HIGD1C: variants seen among roughly 807,000 people sequenced by gnomAD.
HIGD1C encodes HIG1 hypoxia inducible domain family member 1C.
HIGD1C carries 11 observed loss-of-function variants against 13.1 expected under a neutral mutation model. That is an observed-to-expected ratio of 0.84 (90% CI 0.53 to 1.39). The LOEUF is 1.39. Among genes scored for constraint, HIGD1C ranks in the 40% most tolerant of loss-of-function variants. The pLI, the probability that HIGD1C is intolerant of heterozygous loss-of-function variation, is 0.00. For synonymous variants in HIGD1C, 36 were observed against 37.7 expected (o/e 0.95, Z 0.17); for missense variants, 110 against 112.0 (o/e 0.98, Z 0.08).
the HIGD1C span, among the ~76,000 whole-genome samples, chr12:50,940,705 AGAGT>A: frequency 1.3e-5 from 2 of 148,430 alleles, no homozygotes; most frequent in South Asian, 2.3e-4. Flanking sequence ...CCTGGGCGAC[AGAGT>A]GAGACCCCAT....
chr12:50,957,942 GT>G (rs1939168725), intron 1 of HIGD1C, among the ~76,000 whole-genome samples: 1 of 74,236 alleles, frequency 1.3e-5, no homozygotes, highest in East Asian at 5.6e-4. Context: ...TTGGAGGTGT[GT>G]GTGTGTGTGT....
the HIGD1C span, among the ~76,000 whole-genome samples, chr12:50,948,544 T>C: frequency 7.9e-5 from 12 of 151,882 alleles, no homozygotes; most frequent in Admixed American, 2.0e-4. Context: ...ATTCCACTTC[T>C]GGGAATTTAC....
chr12:50,946,621 A>C, the HIGD1C span, among the ~76,000 whole-genome samples: 3 of 152,182 alleles, frequency 2.0e-5, no homozygotes, highest in African/African-American at 7.2e-5. Flanking sequence ...GAACACTTTT[A>C]CACTGTTGGT....
chr12:50,936,439 A>G, the HIGD1C span, among the ~76,000 whole-genome samples: 1 of 152,172 alleles, frequency 6.6e-6, no homozygotes, highest in Non-Finnish European at 1.5e-5. Flanking sequence ...ATTATTTCAC[A>G]TAGTACTTAT....
upstream of HIGD1C, among the ~76,000 whole-genome samples, chr12:50,949,967 C>A (rs535214170): frequency 2.9e-4 from 44 of 152,334 alleles, no homozygotes; most frequent in African/African-American, 1.0e-3. Flanking sequence ...TAATCAATCA[C>A]GGTTTCTTTG....
At chr12:50,953,068 GC>G (rs1409268411), upstream of HIGD1C, among the ~76,000 whole-genome samples, 5 of 152,190 alleles carry the variant, frequency 3.3e-5, no homozygotes, top group Non-Finnish European at 2.9e-5. Context: ...CTAGCAGGGT[GC>G]TGGAAATCTT....
chr12:50,951,259 G>A (rs1938889359), upstream of HIGD1C, among the ~76,000 whole-genome samples: 1 of 152,138 alleles, frequency 6.6e-6, no homozygotes, highest in Non-Finnish European at 1.5e-5. Context: ...TACCAACCCA[G>A]GAAAGGGACA....
intron 2 of HIGD1C, among the ~76,000 whole-genome samples, chr12:50,962,156 C>T (rs4768943): frequency 4.6e-5 from 7 of 151,898 alleles, no homozygotes; most frequent in African/African-American, 1.5e-4. Flanking sequence ...GATGCCGAGG[C>T]GGGCAGATCA....
At chr12:50,967,051 T>C (rs887270926) in intron 2 of HIGD1C, among the ~76,000 whole-genome samples, 3 of 151,742 alleles carry the variant, frequency 2.0e-5, no homozygotes, top group East Asian at 1.9e-4. Flanking sequence ...GAGGCAGAGG[T>C]TGCAGTAGGC....
chr12:50,938,255 G>A, the HIGD1C span, among the ~76,000 whole-genome samples: 18 of 152,088 alleles, frequency 1.2e-4, no homozygotes, highest in Admixed American at 9.8e-4. Flanking sequence ...GGCCCAGGTG[G>A]CAGAGGGCTG....
At chr12:50,968,389 T>TG (rs1424454861) in intron 2 of HIGD1C, among the ~76,000 whole-genome samples, 2 of 151,832 alleles carry the variant, frequency 1.3e-5, no homozygotes, top group Non-Finnish European at 2.9e-5. Flanking sequence ...GATTCTTTTT[T>TG]TGTGTGTGTG....
At chr12:50,947,463 C>G in the HIGD1C span, among the ~76,000 whole-genome samples, 3 of 152,146 alleles carry the variant, frequency 2.0e-5, no homozygotes, top group Non-Finnish European at 4.4e-5. Flanking sequence ...AAGTCAGCAG[C>G]ATAACATCTT....
Position 50,967,628 on chromosome 12 carries a change from A to G in HIGD1C, c.230-2814A>G, listed in dbSNP as rs189518584. Among the ~76,000 whole-genome samples, 431 of 152,330 alleles carry G rather than the reference A, an allele frequency of 2.8e-3. 2 individuals are homozygous for G. Among genetic ancestry groups the G allele is most frequent in the African/African-American group, 1.0e-2 (415 of 41,562 alleles). The stretch of plus-strand genomic sequence containing the variant: ...TTGCTACTAAATGCCATGGACTGTT[A>G]GCATCCTCCTTATAACTGAAAACAT... On this transcript the variant is annotated intron_variant, in intron 2 of 2. Transcript: ENST00000398455.
intron 2 of HIGD1C, among the ~76,000 whole-genome samples, chr12:50,964,451 G>T (rs1939465558): frequency 6.6e-6 from 1 of 152,286 alleles, no homozygotes; most frequent in Middle Eastern, 3.4e-3. Context: ...GGAGTACCAA[G>T]AAGTGCCCTA....
At chr12:50,932,624 AG>A in the HIGD1C span, 2 of 152,194 alleles carry the variant, frequency 1.3e-5, no homozygotes, top group Admixed American at 6.5e-5. Flanking sequence ...TTCTACAGCC[AG>A]GTAACTATAA....
intron 2 of HIGD1C, 23 bp from the exon 5 acceptor site, chr12:50,970,419 G>T: frequency 8.2e-7 from 1 of 1,221,506 alleles, no homozygotes; most frequent in Admixed American, 2.0e-5. Context: ...ATACTCAATT[G>T]ATATACATCC....
At chr12:50,969,905 G>C (rs1376170953) in intron 2 of HIGD1C, among the ~76,000 whole-genome samples, 3 of 151,850 alleles carry the variant, frequency 2.0e-5, no homozygotes, top group Admixed American at 2.0e-4. Context: ...GACATCCTTG[G>C]AACTCATTAA....
At chr12:50,957,024 A>G (rs945280093) in intron 1 of HIGD1C, among the ~76,000 whole-genome samples, 1 of 151,498 alleles carries the variant, frequency 6.6e-6, no homozygotes, top group African/African-American at 2.4e-5. Context: ...TCTGTAGCAC[A>G]TTAGTCATTT....
upstream of HIGD1C, chr12:50,953,863 A>C (rs1200665142): frequency 1.8e-6 from 1 of 567,954 alleles, no homozygotes; most frequent in South Asian, 2.4e-5. Context: ...CAATTGTTTC[A>C]GTTGAGCAGA....
Sources: gnomAD v4.1 joint callset for allele counts (sites outside exome capture counted in the v4.1 genomes callset) on GRCh38, gnomAD v4.1.1 for gene constraint, MANE v1.5 for transcripts, NCBI Gene and HGNC (gene_info 2026-07-23, HGNC 2026-07-21) for gene names.